PIAS1: variants seen among roughly 807,000 people sequenced by gnomAD.
The protein encoded by PIAS1 is protein inhibitor of activated STAT 1, also known as E3 SUMO-protein ligase PIAS1.
PIAS1 carries 6 observed loss-of-function variants against 71.3 expected under a neutral mutation model. The ratio of observed to expected loss-of-function variants is 0.08; its 90% CI spans 0.05 to 0.17. PIAS1 has a LOEUF of 0.17. Ranked by LOEUF, PIAS1 falls within the 10% of genes least tolerant of loss-of-function variation. The pLI is 1.00. For synonymous variants in PIAS1, 303 were observed against 292.9 expected (o/e 1.03, Z -0.35); for missense variants, 555 against 793.6 (o/e 0.70, Z 3.61).
intron 8 of PIAS1, among the ~76,000 whole-genome samples, chr15:68,165,131 A>AT (rs953573475): frequency 6.6e-6 from 1 of 151,906 alleles, no homozygotes; most frequent in Non-Finnish European, 1.5e-5. Flanking sequence ...TATTATTGTT[A>AT]TTTTTTTGAG....
At chr15:68,076,458 C>G (rs2092165922) in intron 1 of PIAS1, among the ~76,000 whole-genome samples, 1 of 152,058 alleles carries the variant, frequency 6.6e-6, no homozygotes, top group Non-Finnish European at 1.5e-5. Context: ...CAAGACTGCG[C>G]CACTGCACTC....
At chr15:68,125,217 TA>T (rs753552440) in intron 2 of PIAS1, among the ~76,000 whole-genome samples, 9 of 152,194 alleles carry the variant, frequency 5.9e-5, no homozygotes, top group Non-Finnish European at 1.2e-4. Flanking sequence ...TGCCACTGTG[TA>T]AATCTCCAGA....
intron 7 of PIAS1, among the ~76,000 whole-genome samples, chr15:68,154,516 A>G (rs544142850): frequency 1.6e-4 from 24 of 152,304 alleles, no homozygotes; most frequent in East Asian, 1.9e-4. Context: ...CCATTATCAG[A>G]TTTGTACTTA....
chr15:68,162,972 C>G (rs138811280), intron 7 of PIAS1, among the ~76,000 whole-genome samples: 1 of 152,166 alleles, frequency 6.6e-6, no homozygotes, highest in African/African-American at 2.4e-5. Flanking sequence ...TGATGGTGTC[C>G]GCCAAGATTG....
At position 68,174,456 on chromosome 15, in the gene PIAS1, A is replaced by C. The variant is rs1183102179; in HGVS notation, c.1169+564A>C. ...GGAATGTTCCTCTAAATTTTCTTCT[A>C]TTCTGCAGCCCCCTTTTCCTCCTGC... On this transcript the variant is annotated intron_variant, in intron 9 of 13. Transcript: ENST00000249636. The surrounding 1 kb of genome is among the most constrained non-coding windows in gnomAD (Gnocchi z 4.0). Among the ~76,000 whole-genome samples the C allele has an allele frequency of 1.3e-5, 2 of 152,148 alleles. No individual in the cohort carries two copies. The highest frequency in any genetic ancestry group is 2.9e-5 in the Non-Finnish European group (2 of 68,026).
intron 8 of PIAS1, among the ~76,000 whole-genome samples, chr15:68,165,382 A>G (rs1007682636): frequency 3.9e-5 from 6 of 152,188 alleles, no homozygotes; most frequent in Non-Finnish European, 5.9e-5. Flanking sequence ...TGGACTCCCA[A>G]AGTGCTGGGA....
At position 68,167,809 on chromosome 15, in the gene PIAS1, A is replaced by G. The variant is rs372425312; in HGVS notation, c.1008+3005A>G. ...CAACCTCCACCTCCCAGGTTCAAGC[A>G]ATTCCTCTGCTTCAGCCTCCCAAGT... On this transcript the variant is annotated intron_variant, in intron 8 of 13. Transcript: ENST00000249636. The surrounding 1 kb of genome is among the most constrained non-coding windows in gnomAD (Gnocchi z 4.4). 3.0e-4 allele frequency among the ~76,000 whole-genome samples: 45 copies of G among 152,158 alleles called. 2 individuals carry two copies. The East Asian group carries it at 3.5e-3, about 12-fold the overall frequency.
rs1419359025 is a variant in PIAS1 at position 68,186,616 on chromosome 15, C to G, written c.1663-926C>G. Among the ~76,000 whole-genome samples, 1 of 152,218 alleles carries G rather than the reference C, an allele frequency of 6.6e-6. No homozygotes were observed. The highest frequency in any genetic ancestry group is 2.4e-5 in the African/African-American group (1 of 41,454). ...TAATGTCCTAAGCCTCACATTCACT[C>G]ACCATTCACTCACTGGCTCACCCAG... is the stretch of plus-strand genomic sequence containing the variant. On this transcript the variant is annotated intron_variant, in intron 13 of 13. Coordinates refer to ENST00000249636, the MANE Select transcript of PIAS1 (RefSeq NM_016166.3). The surrounding 1 kb of genome is among the most constrained non-coding windows in gnomAD (Gnocchi z 4.4).
At chr15:68,110,624 T>C (rs1212900671) in intron 2 of PIAS1, among the ~76,000 whole-genome samples, 2 of 151,822 alleles carry the variant, frequency 1.3e-5, no homozygotes, top group Non-Finnish European at 2.9e-5. Flanking sequence ...TAGCTGGGCA[T>C]GGTGGTGCGT....
At position 68,151,962 on chromosome 15, in the gene PIAS1, G is replaced by GT. The variant is rs1272581079; in HGVS notation, c.829-1628_829-1627insT. 6.7e-4 allele frequency among the ~76,000 whole-genome samples: 57 copies of GT among 85,076 alleles called. 2 individuals are homozygous for GT. Among genetic ancestry groups the GT allele is most frequent in the African/African-American group, 2.3e-3 (51 of 22,590 alleles). The allele number at this position is 85,076 out of a possible 152,430, so 55.8% of individuals were successfully genotyped here. Reference sequence around the variant, plus strand: ...GAATTTTTTTTTTTTTTTTTTTTTGGGGGGGGAGACAGAGTCTTGCTCTGT... The same window carrying GT: ...GAATTTTTTTTTTTTTTTTTTTTTGGTGGGGGGAGACAGAGTCTTGCTCTGT... On this transcript the variant is annotated intron_variant, in intron 6 of 13. Coordinates refer to ENST00000249636, the MANE Select transcript of PIAS1 (RefSeq NM_016166.3).
At chr15:68,084,425 CTT>C (rs1193926263) in intron 1 of PIAS1, among the ~76,000 whole-genome samples, 2 of 152,000 alleles carry the variant, frequency 1.3e-5, no homozygotes, top group African/African-American at 2.4e-5. Context: ...ATTTTGTACT[CTT>C]TTGGTGAGTA....
At chr15:68,146,850 A>G in intron 6 of PIAS1, 150 bp downstream of exon 6, 1 of 689,176 alleles carries the variant, frequency 1.5e-6, no homozygotes, top group Non-Finnish European at 2.5e-6. Flanking sequence ...TTTCCATTTG[A>G]AAAATGGGAT....
In PIAS1 at chr15:68,187,816, A is replaced by G. The variant is rs1441846427; in HGVS notation, c.1937A>G (p.Asp646Gly). The G allele has an allele frequency of 1.9e-6, 3 of 1,613,382 alleles. No individual in the cohort carries two copies. The highest frequency in any genetic ancestry group is 2.5e-6 in the Non-Finnish European group (3 of 1,179,702). Residue 646 changes from aspartate to glycine, a missense_variant, in exon 14 of 14, where the codon GAC becomes GGC. Asp to Gly is a moderately conservative substitution (Grantham distance 94). Around this residue, in one of 5 missense-constraint regions of PIAS1, gnomAD observed 244 missense variants for 307.5 expected, o/e 0.79. Transcript: ENST00000249636. This position sits in a 1 kb window ranked among gnomAD's most constrained non-coding sequence, Gnocchi z 5.3. ...DTASIFGIIP[D>G]IISLD Reference sequence around the variant, plus strand: ...GCATCCATCTTTGGCATCATACCAGACATTATTTCATTGGACTGATTCCCA... The same window carrying G: ...GCATCCATCTTTGGCATCATACCAGGCATTATTTCATTGGACTGATTCCCA...
At chr15:68,077,739 T>TA (rs745834936) in intron 1 of PIAS1, among the ~76,000 whole-genome samples, 1 of 152,234 alleles carries the variant, frequency 6.6e-6, no homozygotes, top group Non-Finnish European at 1.5e-5. Flanking sequence ...GTTATTACCA[T>TA]GTAGCATTGT....
chr15:68,085,184 G>T (rs2092268303), intron 1 of PIAS1, among the ~76,000 whole-genome samples: 1 of 152,152 alleles, frequency 6.6e-6, no homozygotes, highest in South Asian at 2.1e-4. Flanking sequence ...ATTAGTTGGA[G>T]AAATAGAGAG....
At chr15:68,123,877 T>A (rs1411469375) in intron 2 of PIAS1, among the ~76,000 whole-genome samples, 1 of 152,212 alleles carries the variant, frequency 6.6e-6, no homozygotes, top group Non-Finnish European at 1.5e-5. Flanking sequence ...TGTTGATCTG[T>A]ATTTGTACCA....
intron 8 of PIAS1, among the ~76,000 whole-genome samples, chr15:68,170,295 G>A (rs1477897075): frequency 6.6e-6 from 1 of 152,182 alleles, no homozygotes; most frequent in Non-Finnish European, 1.5e-5. Context: ...AGATGGTATA[G>A]CTTACTATGT....
intron 8 of PIAS1, among the ~76,000 whole-genome samples, chr15:68,168,770 C>T (rs1306924427): frequency 6.6e-6 from 1 of 152,090 alleles, no homozygotes; most frequent in Non-Finnish European, 1.5e-5. Context: ...CATTTGAAAG[C>T]GAGCTTTTGC....
In PIAS1 at chr15:68,145,551, TCAGAACATGCTTAA is replaced by T. The variant is rs1205314622; in HGVS notation, c.603-263_603-250del. On this transcript the variant is annotated intron_variant, in intron 4 of 13. Transcript: ENST00000249636. Reference sequence around the variant, plus strand: ...TAATCACTGAAGAAACTAGTGCTTCTCAGAACATGCTTAACCAAATAATTGGCAGTATCACGAAG... The same window carrying T: ...TAATCACTGAAGAAACTAGTGCTTCTCCAAATAATTGGCAGTATCACGAAG... 2.6e-5 allele frequency among the ~76,000 whole-genome samples: 4 copies of T among 152,174 alleles called. No homozygotes were observed. In the East Asian group the frequency reaches 5.8e-4, roughly 22 times the overall value.
Sources: gnomAD v4.1 joint callset for allele counts (sites outside exome capture counted in the v4.1 genomes callset) on GRCh38, gnomAD v4.1.1 for gene constraint, gnomAD v4.1.1 regional missense constraint, Gnocchi (gnomAD v3.1) non-coding constraint, MANE v1.5 for transcripts, NCBI Gene and HGNC (gene_info 2026-07-23, HGNC 2026-07-21) for gene names.